TCF7L2: variants seen among roughly 807,000 people sequenced by gnomAD.
TCF7L2 encodes the protein transcription factor 7-like 2.
In TCF7L2, 23 loss-of-function variants were observed where a neutral mutation model predicts 77.9. The observed-to-expected ratio is 0.30, with a 90% CI of 0.21 to 0.42. The LOEUF (loss-of-function observed/expected upper bound fraction) is 0.42. Ranked by LOEUF, TCF7L2 falls within the 10% of genes least tolerant of loss-of-function variation. The pLI, the probability that TCF7L2 is intolerant of heterozygous loss-of-function variation, is 1.00. For missense variants in TCF7L2, 654 were observed against 793.1 expected, an observed-to-expected ratio of 0.82 and a Z score of 2.11; for synonymous variants, 413 against 340.2, an observed-to-expected ratio of 1.21 and a Z score of -2.36.
intron 7 of TCF7L2, among the ~76,000 whole-genome samples, chr10:113,144,415 T>C (rs2068948526): frequency 6.6e-6 from 1 of 152,164 alleles, no homozygotes; most frequent in Admixed American, 6.5e-5. Context: ...AGTCATGTCA[T>C]TGGGTTGAGG....
At chr10:112,973,590 TTTTA>T (rs2038762145) in intron 4 of TCF7L2, among the ~76,000 whole-genome samples, 1 of 152,104 alleles carries the variant, frequency 6.6e-6, no homozygotes, top group South Asian at 2.1e-4. Context: ...TTAATTTTAA[TTTTA>T]TTTATTTATT....
chr10:112,999,246 T>C (rs1484589577), intron 4 of TCF7L2, among the ~76,000 whole-genome samples: 1 of 152,238 alleles, frequency 6.6e-6, no homozygotes, highest in African/African-American at 2.4e-5. Context: ...CGACTTCACA[T>C]GGTCCTGTGT....
chr10:113,160,742 C>A (rs1054241538), intron 13 of TCF7L2: 1 of 1,510,624 alleles, frequency 6.6e-7, no homozygotes, highest in East Asian at 2.4e-5. Flanking sequence ...TCTGTCCTTC[C>A]GGTACCTTAG....
In TCF7L2 at chr10:112,957,190, C is replaced by CTT. The variant is rs35054285; in HGVS notation, c.381+5608_381+5609dup. ...TCTTAATTCCCCCCAACACCCCCAC[C>CTT]TTTTTTTTTTTTTTTTTTTTTTTTT... On this transcript the variant is annotated intron_variant, in intron 3 of 13. Transcript: ENST00000627217. Among the ~76,000 whole-genome samples the CTT allele has an allele frequency of 2.5e-3, 152 of 60,656 alleles. 17 individuals are homozygous for CTT. The highest frequency in any genetic ancestry group is 4.5e-3 in the Admixed American group (19 of 4,222). The allele number at this position is 60,656 out of a possible 152,430, so 39.8% of individuals were successfully genotyped here. A position where few individuals can be genotyped will look rare whatever the true frequency, so the allele number is the denominator to read the frequency against.
chr10:112,958,241 C>T (rs940653556), intron 3 of TCF7L2, among the ~76,000 whole-genome samples: 3 of 152,124 alleles, frequency 2.0e-5, no homozygotes, highest in African/African-American at 7.2e-5. Flanking sequence ...CCAACCAGGT[C>T]GGTCTACGGA....
intron 4 of TCF7L2, chr10:112,987,417 T>TG (rs2041748066): frequency 2.0e-5 from 2 of 99,818 alleles, no homozygotes; most frequent in African/African-American, 2.1e-4. Context: ...AAGCAGAAGT[T>TG]TTTTTTTTTT....
intron 5 of TCF7L2, among the ~76,000 whole-genome samples, chr10:113,051,790 G>T (rs992180287): frequency 3.3e-5 from 5 of 152,146 alleles, no homozygotes; most frequent in African/African-American, 9.7e-5. Context: ...GTATCTCAGA[G>T]TTTTCTTTTC....
At chr10:113,113,336 A>C (rs2063353296) in intron 5 of TCF7L2, among the ~76,000 whole-genome samples, 1 of 152,152 alleles carries the variant, frequency 6.6e-6, no homozygotes, top group African/African-American at 2.4e-5. Flanking sequence ...CTTATAACTT[A>C]CCAAAGCAAC....
intron 5 of TCF7L2, among the ~76,000 whole-genome samples, chr10:113,056,672 G>A (rs904548673): frequency 2.0e-5 from 3 of 152,132 alleles, no homozygotes; most frequent in Admixed American, 2.0e-4. Flanking sequence ...CATTTATTTC[G>A]AGTACACTGA....
At chr10:113,046,797 C>T (rs574740970) in intron 5 of TCF7L2, among the ~76,000 whole-genome samples, 103 of 152,274 alleles carry the variant, frequency 6.8e-4, no homozygotes, top group Middle Eastern at 6.8e-3. Flanking sequence ...AATCTCACCA[C>T]TCGGAGATTA....
intron 3 of TCF7L2, among the ~76,000 whole-genome samples, chr10:112,960,449 G>A (rs2034777215): frequency 6.6e-6 from 1 of 152,186 alleles, no homozygotes; most frequent in Non-Finnish European, 1.5e-5. Flanking sequence ...AATGGGGGAT[G>A]GGCTTGGTCA....
chr10:113,062,640 G>A (rs1183909712), intron 5 of TCF7L2, among the ~76,000 whole-genome samples: 1 of 152,054 alleles, frequency 6.6e-6, no homozygotes, highest in Non-Finnish European at 1.5e-5. Flanking sequence ...TTAAGAGATA[G>A]TTTAGTCTTT....
chr10:113,049,812 A>T (rs117319028), intron 5 of TCF7L2, among the ~76,000 whole-genome samples: 2,223 of 152,242 alleles, frequency 0.015, 29 homozygotes, highest in Non-Finnish European at 0.021. Context: ...TAGAATGGAG[A>T]GCCTAGATGC....
chr10:113,040,121 A>G lies in TCF7L2; in HGVS notation c.547A>G (p.Ile183Val), dbSNP rs143077353. 1.8e-4 allele frequency: 293 copies of G among 1,613,580 alleles called. No homozygotes were observed. Among genetic ancestry groups the G allele is most frequent in the Non-Finnish European group, 2.4e-4 (284 of 1,179,770 alleles). ...TGCCCGGTCCCCATCACCGGCACAC[A>G]TTGTCGTAAGTAACCTCCCAGAGAT... The change falls in exon 5 of 14, where the codon ATT becomes GTT. Residue 183 changes from isoleucine to valine, a missense_variant. This residue lies in a region of TCF7L2 where 179 missense variants were observed against 270.6 expected (regional missense o/e 0.66). Transcript: ENST00000627217.
At chr10:112,967,466 C>T (rs1019252077) in intron 4 of TCF7L2, among the ~76,000 whole-genome samples, 7 of 152,108 alleles carry the variant, frequency 4.6e-5, no homozygotes, top group South Asian at 2.1e-4. Flanking sequence ...TCTATAGACA[C>T]GTCACTTTCT....
At chr10:113,110,369 GTTTTTTTT>G (rs55993335) in intron 5 of TCF7L2, among the ~76,000 whole-genome samples, 1 of 126,434 alleles carries the variant, frequency 7.9e-6, no homozygotes, top group East Asian at 2.4e-4. Context: ...GTCTACTGGG[GTTTTTTTT>G]TTTTTTTTTT....
Position 112,997,639 on chromosome 10 carries a change from G to C in TCF7L2, c.450+33015G>C, listed in dbSNP as rs141286891. 3.3e-3 allele frequency among the ~76,000 whole-genome samples: 503 copies of C among 152,328 alleles called. 10 individuals are homozygous for C. The highest frequency in any genetic ancestry group is 0.017 in the East Asian group (86 of 5,186). On this transcript the variant is annotated intron_variant, in intron 4 of 13. Coordinates refer to ENST00000627217, the MANE Select transcript of TCF7L2 (RefSeq NM_001146274.2). ...GGAAGAGTGACCAGGGACCTGAGGGGCATGGTCGAGCAGATGACAGCCTTT... is the reference window on the plus strand; with the variant it reads ...GGAAGAGTGACCAGGGACCTGAGGGCCATGGTCGAGCAGATGACAGCCTTT...
intron 5 of TCF7L2, among the ~76,000 whole-genome samples, chr10:113,121,799 T>C (rs1591987705): frequency 6.8e-6 from 1 of 146,772 alleles, no homozygotes; most frequent in Non-Finnish European, 1.5e-5. Flanking sequence ...CACACACAAA[T>C]GAAGGCAAGT....
In TCF7L2 at chr10:113,165,633, A is replaced by G. The variant is rs1399983480; in HGVS notation, c.1470A>G (p.Leu490=). 1 of 1,613,326 alleles carries G rather than the reference A, an allele frequency of 6.2e-7. No homozygotes were observed. Among genetic ancestry groups the G allele is most frequent in the East Asian group, 2.2e-5 (1 of 44,876 alleles). The stretch of plus-strand genomic sequence containing the variant: ...CACCCTCTTCAGATGGAAGCTTACT[A>G]GATTCGCCTCCCCCCTCCCCGAACC... The change falls in exon 14 of 14, where the codon CTA becomes CTG. Residue 490 remains leucine, a synonymous_variant. Coordinates refer to ENST00000627217, the MANE Select transcript of TCF7L2 (RefSeq NM_001146274.2).
Sources: gnomAD v4.1 joint callset for allele counts (sites outside exome capture counted in the v4.1 genomes callset) on GRCh38, gnomAD v4.1.1 for gene constraint, gnomAD v4.1.1 regional missense constraint, MANE v1.5 for transcripts, NCBI Gene and HGNC (gene_info 2026-07-23, HGNC 2026-07-21) for gene names.